The following TMTC2 variants were observed in gnomAD, a reference collection of about 807,000 sequenced individuals.
TMTC2 encodes protein O-mannosyl-transferase TMTC2.
TMTC2 carries 43 observed loss-of-function variants against 82.4 expected under a neutral mutation model. That is an observed-to-expected ratio of 0.52 (90% CI 0.41 to 0.67). The LOEUF is 0.67. TMTC2 is among the 30% of genes least tolerant of loss of function. The pLI, the probability that TMTC2 is intolerant of heterozygous loss-of-function variation, is 0.00. For synonymous variants in TMTC2, 408 were observed against 381.9 expected, an observed-to-expected ratio of 1.07 and a Z score of -0.80; for missense variants, 919 against 1,012.4, an observed-to-expected ratio of 0.91 and a Z score of 1.25.
At chr12:82,845,009 C>G (rs1372501209) in intron 1 of TMTC2, among the ~76,000 whole-genome samples, 1 of 150,660 alleles carries the variant, frequency 6.6e-6, no homozygotes, top group Admixed American at 6.6e-5. Context: ...GGGCGGATCA[C>G]TTGAGGTCAG....
intron 1 of TMTC2, among the ~76,000 whole-genome samples, chr12:82,791,061 T>G (rs764252853): frequency 6.6e-6 from 1 of 152,036 alleles, no homozygotes; most frequent in Non-Finnish European, 1.5e-5. Flanking sequence ...ATGCTTCTCC[T>G]TTCTGCTTTT....
intron 9 of TMTC2, among the ~76,000 whole-genome samples, chr12:83,047,033 T>G (rs908304768): frequency 2.6e-5 from 4 of 152,214 alleles, no homozygotes; most frequent in Non-Finnish European, 5.9e-5. Context: ...AAATGAAAGC[T>G]ATCTTTTTAC....
Position 82,896,278 on chromosome 12 carries a change from A to T in TMTC2, c.1115A>T (p.Lys372Ile). 5.0e-6 allele frequency: 8 copies of T among 1,614,140 alleles called. No homozygotes were observed. The South Asian group carries it at 7.7e-5, about 16-fold the overall frequency. Reference sequence around the variant, plus strand: ...GAGACTAAGTCCAGCTTTGCATCCAAAGTAGAAAATGGCATTAAAAACGAT... The same window carrying T: ...GAGACTAAGTCCAGCTTTGCATCCATAGTAGAAAATGGCATTAAAAACGAT... ...NSETKSSFAS[K>I]VENGIKNDVS... Residue 372 changes from lysine to isoleucine, a missense_variant, in exon 3 of 12, where the codon AAA becomes ATA. Physicochemically the swap from Lys to Ile is moderately radical, Grantham distance 102. Coordinates refer to ENST00000321196, the MANE Select transcript of TMTC2 (RefSeq NM_152588.3).
At chr12:83,020,140 A>G (rs7962681) in intron 8 of TMTC2, among the ~76,000 whole-genome samples, 89,400 of 152,046 alleles carry the variant, frequency 0.59, 26,761 homozygotes, top group South Asian at 0.73. Context: ...ACCAACTGTT[A>G]TAGGTCAAAT....
In TMTC2 at chr12:83,133,896, T is replaced by C. The variant is rs1885348763; in HGVS notation, c.*1507T>C. On this transcript the variant is annotated 3_prime_UTR_variant, in exon 12 of 12. Coordinates refer to ENST00000321196, the MANE Select transcript of TMTC2 (RefSeq NM_152588.3). Reference sequence around the variant, plus strand: ...CAGTTCTTTGCAACTGAAAATTACCTGTTTCTCCTTCCCTTTCACACTCCA... The same window carrying C: ...CAGTTCTTTGCAACTGAAAATTACCCGTTTCTCCTTCCCTTTCACACTCCA... 1 of 152,204 alleles carries C rather than the reference T, an allele frequency of 6.6e-6. No homozygotes were observed. Among genetic ancestry groups the C allele is most frequent in the African/African-American group, 2.4e-5 (1 of 41,440 alleles). 9.4% of individuals were successfully genotyped at this position (152,204 alleles called of 1,614,324 possible). A position where few individuals can be genotyped will look rare whatever the true frequency, so the allele number is the denominator to read the frequency against.
chr12:82,775,081 A>T (rs1440101707), intron 1 of TMTC2, among the ~76,000 whole-genome samples: 1 of 152,070 alleles, frequency 6.6e-6, no homozygotes, highest in Non-Finnish European at 1.5e-5. Flanking sequence ...ACTATTAGTA[A>T]CACAATTTAA....
chr12:82,756,693 C>T (rs1219793440), intron 1 of TMTC2, among the ~76,000 whole-genome samples: 2 of 152,142 alleles, frequency 1.3e-5, no homozygotes, highest in African/African-American at 4.8e-5. Context: ...AATGTGGAGG[C>T]ATTTGTGGAT....
intron 3 of TMTC2, among the ~76,000 whole-genome samples, chr12:82,900,642 A>G (rs1181660061): frequency 6.8e-6 from 1 of 146,020 alleles, no homozygotes; most frequent in Non-Finnish European, 1.5e-5. Context: ...ATATAGGAAT[A>G]TATATCTCTG....
intron 6 of TMTC2, chr12:82,966,021 A>G (rs1021374214): frequency 4.6e-6 from 2 of 434,164 alleles, no homozygotes; most frequent in Non-Finnish European, 8.3e-6. Flanking sequence ...TATTGTGACT[A>G]TTCAAGAATG....
chr12:82,820,049 A>G (rs1349838122), intron 1 of TMTC2, among the ~76,000 whole-genome samples: 3 of 152,182 alleles, frequency 2.0e-5, no homozygotes, highest in Non-Finnish European at 1.5e-5. Flanking sequence ...CCCAAAGCTG[A>G]AGAACTTGGA....
chr12:82,876,163 G>C (rs1872563383), intron 2 of TMTC2, among the ~76,000 whole-genome samples: 1 of 140,142 alleles, frequency 7.1e-6, no homozygotes, highest in Non-Finnish European at 1.5e-5. Context: ...GGTAGTGGTG[G>C]TAGTGTTGTT....
At chr12:83,004,920 G>A (rs748866576) in intron 8 of TMTC2, among the ~76,000 whole-genome samples, 1 of 151,296 alleles carries the variant, frequency 6.6e-6, no homozygotes, top group Non-Finnish European at 1.5e-5. Flanking sequence ...GGGAAGCTGA[G>A]GAGGGCGGAT....
chr12:83,047,819 G>A (rs1882198688), intron 9 of TMTC2, among the ~76,000 whole-genome samples: 1 of 152,168 alleles, frequency 6.6e-6, no homozygotes, highest in African/African-American at 2.4e-5. Flanking sequence ...ATTACTAAAT[G>A]ATGATAAAAA....
intron 1 of TMTC2, among the ~76,000 whole-genome samples, chr12:82,712,159 C>T (rs990887477): frequency 3.9e-5 from 6 of 152,166 alleles, no homozygotes; most frequent in South Asian, 4.1e-4. Context: ...TGGCTGGGTG[C>T]AATGGCTTAC....
At chr12:82,714,439 A>G (rs1375003559) in intron 1 of TMTC2, among the ~76,000 whole-genome samples, 1 of 152,238 alleles carries the variant, frequency 6.6e-6, no homozygotes, top group Non-Finnish European at 1.5e-5. Context: ...TCCTTATCAG[A>G]AAGGTGCCCT....
chr12:82,829,616 A>AT (rs1246636188), intron 1 of TMTC2, among the ~76,000 whole-genome samples: 2 of 152,196 alleles, frequency 1.3e-5, no homozygotes, highest in Non-Finnish European at 2.9e-5. Flanking sequence ...CTATTAGCTA[A>AT]TTTTGGCAAA....
At chr12:82,966,807 T>A (rs1878232770) in intron 6 of TMTC2, 112 bp from the exon 7 acceptor site, 1 of 682,266 alleles carries the variant, frequency 1.5e-6, no homozygotes, top group African/African-American at 1.8e-5. Flanking sequence ...GTGAACCATT[T>A]AGAAATAGCA....
intron 4 of TMTC2, among the ~76,000 whole-genome samples, chr12:82,958,223 G>A (rs1357384349): frequency 6.6e-6 from 1 of 151,760 alleles, no homozygotes; most frequent in Non-Finnish European, 1.5e-5. Flanking sequence ...GTTTACCCAG[G>A]TGTGGTAGCG....
intron 1 of TMTC2, among the ~76,000 whole-genome samples, chr12:82,850,541 C>T (rs984886234): frequency 6.6e-6 from 1 of 151,800 alleles, no homozygotes; most frequent in Admixed American, 6.6e-5. Context: ...GAAGGTCAGG[C>T]GATGGGACCA....
Sources: gnomAD v4.1 joint callset for allele counts (sites outside exome capture counted in the v4.1 genomes callset) on GRCh38, gnomAD v4.1.1 for gene constraint, MANE v1.5 for transcripts, NCBI Gene and HGNC (gene_info 2026-07-23, HGNC 2026-07-21) for gene names.